DTNBP1: variants seen among roughly 807,000 people sequenced by gnomAD.
DTNBP1 encodes the protein dystrobrevin binding protein 1, also known as dysbindin.
DTNBP1 carries 35 observed loss-of-function variants against 42.8 expected under a neutral mutation model. The observed-to-expected ratio is 0.82, with a 90% confidence interval of 0.63 to 1.09. The LOEUF (loss-of-function observed/expected upper bound fraction) is 1.09, where lower values mean the gene tolerates loss of function less well. Among genes scored for constraint, DTNBP1 ranks in the 50% least tolerant of loss-of-function variants. The probability of loss-of-function intolerance (pLI) is 0.00; values close to 1 mark genes in which losing one functional copy is unlikely to be tolerated. For missense variants in DTNBP1, 457 were observed against 424.2 expected (o/e 1.08, Z -0.68); for synonymous variants, 171 against 162.2 (o/e 1.05, Z -0.41).
chr6:15,539,442 C>T (rs1308602102), intron 7 of DTNBP1, among the ~76,000 whole-genome samples: 3 of 152,220 alleles, frequency 2.0e-5, no homozygotes, highest in African/African-American at 4.8e-5. Context: ...TCTACCTCTA[C>T]GTTCAGCTGC....
chr6:15,523,606 G>A, intron 9 of DTNBP1: 1 of 1,285,606 alleles, frequency 7.8e-7, no homozygotes, highest in African/African-American at 1.5e-5. Context: ...AGACACCACT[G>A]CTGAGAAAGT....
chr6:15,615,081 TA>T, intron 6 of DTNBP1, 185 bp downstream of exon 6: 1 of 861,366 alleles, frequency 1.2e-6, no homozygotes, highest in Non-Finnish European at 1.9e-6. Context: ...CTGAGTTTTT[TA>T]TAACTCATCT....
chr6:15,626,867 G>C (rs1224409263), intron 5 of DTNBP1, among the ~76,000 whole-genome samples: 1 of 152,052 alleles, frequency 6.6e-6, no homozygotes, highest in Admixed American at 6.6e-5. Context: ...CTGCAGGCAC[G>C]TGCCACCACA....
intron 6 of DTNBP1, among the ~76,000 whole-genome samples, chr6:15,606,734 T>A (rs1014826500): frequency 6.6e-6 from 1 of 152,214 alleles, no homozygotes. Flanking sequence ...CATAAGCATA[T>A]CACATATCCA....
At chr6:15,603,639 G>C (rs1776815358) in intron 6 of DTNBP1, among the ~76,000 whole-genome samples, 1 of 152,202 alleles carries the variant, frequency 6.6e-6, no homozygotes, top group South Asian at 2.1e-4. Context: ...CTTGAGCTTT[G>C]TTTGTTATAC....
intron 7 of DTNBP1, among the ~76,000 whole-genome samples, chr6:15,582,730 A>AT (rs1775894316): frequency 6.6e-6 from 1 of 152,174 alleles, no homozygotes; most frequent in African/African-American, 2.4e-5. Flanking sequence ...GTTCAATTCC[A>AT]TTTTATCTAC....
At chr6:15,589,449 C>G (rs1273607013) in intron 7 of DTNBP1, among the ~76,000 whole-genome samples, 1 of 152,244 alleles carries the variant, frequency 6.6e-6, no homozygotes, top group Non-Finnish European at 1.5e-5. Context: ...GGCCTCCCCT[C>G]TCTCTAGTCA....
Position 15,639,576 on chromosome 6 carries a change from A to T in DTNBP1, c.162-1772T>A, listed in dbSNP as rs547375047. 2.0e-5 allele frequency among the ~76,000 whole-genome samples: 3 copies of T among 152,346 alleles called. No individual in the cohort carries two copies. The South Asian group carries it at 6.2e-4, about 32-fold the overall frequency. On this transcript the variant is annotated intron_variant, in intron 3 of 9. Transcript: ENST00000344537. ...AGGTGGAAGGTCACACAAATAATAC[A>T]GTCCTGCTGTCATTGTTGACTAACA...
intron 7 of DTNBP1, among the ~76,000 whole-genome samples, chr6:15,561,176 G>A (rs1457932466): frequency 2.6e-5 from 4 of 152,142 alleles, no homozygotes; most frequent in African/African-American, 9.6e-5. Context: ...CTGGATGCAA[G>A]CTCAGAAGAA....
chr6:15,608,655 C>CA (rs1489829015), intron 6 of DTNBP1, among the ~76,000 whole-genome samples: 1 of 152,210 alleles, frequency 6.6e-6, no homozygotes, highest in Non-Finnish European at 1.5e-5. Flanking sequence ...AGCTTCCTGA[C>CA]AAAGTGTCCA....
intron 7 of DTNBP1, among the ~76,000 whole-genome samples, chr6:15,584,754 T>C (rs1040732307): frequency 2.8e-5 from 4 of 141,636 alleles, no homozygotes; most frequent in Admixed American, 7.2e-5. Flanking sequence ...GGCTTCTACC[T>C]GACAAGGCAT....
chr6:15,650,810 G>A (rs1760949275), intron 3 of DTNBP1, among the ~76,000 whole-genome samples: 1 of 152,012 alleles, frequency 6.6e-6, no homozygotes, highest in African/African-American at 2.4e-5. Flanking sequence ...CACATTCTAT[G>A]TTTTGTCACT....
At chr6:15,526,730 C>T (rs1042512609) in intron 8 of DTNBP1, among the ~76,000 whole-genome samples, 3 of 152,284 alleles carry the variant, frequency 2.0e-5, no homozygotes, top group South Asian at 2.1e-4. Context: ...TTCTGACCTA[C>T]GGAAGCCTTT....
chr6:15,591,409 G>A (rs1776294494), intron 7 of DTNBP1, among the ~76,000 whole-genome samples: 1 of 151,928 alleles, frequency 6.6e-6, no homozygotes. Context: ...CCATGCCCAG[G>A]CCACGTTTTA....
chr6:15,614,397 A>C (rs1415205527), intron 6 of DTNBP1, among the ~76,000 whole-genome samples: 1 of 151,674 alleles, frequency 6.6e-6, no homozygotes, highest in East Asian at 1.9e-4. Context: ...CTCTCCACCA[A>C]ATCTGCTCTT....
intron 4 of DTNBP1, among the ~76,000 whole-genome samples, chr6:15,632,896 T>C (rs1759770940): frequency 6.6e-6 from 1 of 152,234 alleles, no homozygotes; most frequent in South Asian, 2.1e-4. Flanking sequence ...CCAGGTAGAA[T>C]GCCTTTTATT....
chr6:15,639,909 A>G (rs1760239715), intron 3 of DTNBP1, among the ~76,000 whole-genome samples: 2 of 152,214 alleles, frequency 1.3e-5, no homozygotes, highest in Admixed American at 1.3e-4. Flanking sequence ...TTTAGACTCC[A>G]GATCACTTTT....
intron 7 of DTNBP1, among the ~76,000 whole-genome samples, chr6:15,554,344 A>C (rs987077971): frequency 2.6e-5 from 4 of 152,078 alleles, no homozygotes; most frequent in African/African-American, 4.8e-5. Context: ...CTGCCTCCCA[A>C]GTAGCTGGAA....
chr6:15,585,917 G>A (rs969634389), intron 7 of DTNBP1: 1 of 1,396,630 alleles, frequency 7.2e-7, no homozygotes, highest in Non-Finnish European at 9.3e-7. Flanking sequence ...ATTGTAGTAA[G>A]CCTATTAGTT....
Sources: gnomAD v4.1 joint callset for allele counts (sites outside exome capture counted in the v4.1 genomes callset) on GRCh38, gnomAD v4.1.1 for gene constraint, MANE v1.5 for transcripts, NCBI Gene and HGNC (gene_info 2026-07-23, HGNC 2026-07-21) for gene names.